Variants in GREB1L observed in about 807,000 individuals in gnomAD.
The protein encoded by GREB1L is GREB1 like retinoic acid receptor coactivator, also known as GREB1-like protein.
In GREB1L, 17 loss-of-function variants were observed where a neutral mutation model predicts 200.8. The observed-to-expected ratio is 0.08, with a 90% CI of 0.06 to 0.13. GREB1L has a LOEUF of 0.13. Ranked by LOEUF, GREB1L falls within the 10% of genes least tolerant of loss-of-function variation. The pLI is 1.00. For missense variants in GREB1L, 1,657 were observed against 2,367.7 expected, an observed-to-expected ratio of 0.70 and a Z score of 6.23; for synonymous variants, 789 against 893.0, an observed-to-expected ratio of 0.88 and a Z score of 2.08.
intron 1 of GREB1L, among the ~76,000 whole-genome samples, chr18:21,341,943 T>G (rs1183028527): frequency 8.5e-5 from 13 of 152,076 alleles, no homozygotes; most frequent in Non-Finnish European, 1.5e-4. Context: ...CTTTTGTTGG[T>G]GGTGAGGGGC....
chr18:21,492,631 G>GGCT (rs1228682251), intron 19 of GREB1L, among the ~76,000 whole-genome samples: 2 of 152,176 alleles, frequency 1.3e-5, no homozygotes, highest in African/African-American at 4.8e-5. Context: ...TTCTTCACCT[G>GGCT]GCTGCTAGCT....
chr18:21,397,565 C>T (rs148304573), intron 5 of GREB1L, among the ~76,000 whole-genome samples: 1,547 of 137,360 alleles, frequency 0.011, 29 homozygotes, highest in African/African-American at 0.041. Flanking sequence ...ATTAGCTGGG[C>T]GTGGTGGCGC....
At chr18:21,462,720 G>T (rs1433641804) in intron 15 of GREB1L, among the ~76,000 whole-genome samples, 3 of 152,172 alleles carry the variant, frequency 2.0e-5, no homozygotes, top group Admixed American at 6.5e-5. Flanking sequence ...AAAGTGCTGG[G>T]ATTACCAGTG....
intron 1 of GREB1L, among the ~76,000 whole-genome samples, chr18:21,311,653 A>C (rs2038792500): frequency 6.6e-6 from 1 of 152,158 alleles, no homozygotes; most frequent in African/African-American, 2.4e-5. Flanking sequence ...GATACCACCT[A>C]ATTTCCAGAA....
At chr18:21,411,888 A>G (rs2031067476) in intron 7 of GREB1L, among the ~76,000 whole-genome samples, 1 of 151,666 alleles carries the variant, frequency 6.6e-6, no homozygotes, top group African/African-American at 2.4e-5. Flanking sequence ...TACTAAAAAT[A>G]CAAAAAATTA....
chr18:21,507,038 A>G (rs1357791491), intron 25 of GREB1L, among the ~76,000 whole-genome samples: 3 of 152,158 alleles, frequency 2.0e-5, no homozygotes, highest in Non-Finnish European at 2.9e-5. Context: ...CTCATCCTGA[A>G]ATACAAATGA....
At chr18:21,367,044 T>C (rs1261284172) in intron 2 of GREB1L, among the ~76,000 whole-genome samples, 6 of 152,294 alleles carry the variant, frequency 3.9e-5, no homozygotes, top group African/African-American at 1.4e-4. Context: ...CTTTTTGATA[T>C]GGGAGGCACA....
chr18:21,397,860 C>CA, intron 5 of GREB1L, among the ~76,000 whole-genome samples: 1 of 152,214 alleles, frequency 6.6e-6, no homozygotes, highest in East Asian at 1.9e-4. Context: ...TACTGTGTGA[C>CA]AGAAATCACA....
intron 16 of GREB1L, among the ~76,000 whole-genome samples, chr18:21,474,630 G>A (rs1331436515): frequency 6.6e-6 from 1 of 152,142 alleles, no homozygotes; most frequent in Non-Finnish European, 1.5e-5. Flanking sequence ...TTTAGTCATG[G>A]CTGGAGCAGC....
chr18:21,483,296 G>A (rs570243734), intron 17 of GREB1L, among the ~76,000 whole-genome samples: 6 of 152,308 alleles, frequency 3.9e-5, no homozygotes, highest in African/African-American at 1.2e-4. Context: ...GAAACGTGAA[G>A]ACCAAGTACA....
chr18:21,437,182 A>G (rs569465347), intron 7 of GREB1L, among the ~76,000 whole-genome samples: 1 of 151,988 alleles, frequency 6.6e-6, no homozygotes, highest in Non-Finnish European at 1.5e-5. Flanking sequence ...TACTGCCATA[A>G]CCTCCCAAAT....
chr18:21,272,684 C>T (rs1161408382), intron 1 of GREB1L, among the ~76,000 whole-genome samples: 2 of 152,150 alleles, frequency 1.3e-5, no homozygotes, highest in Non-Finnish European at 2.9e-5. Context: ...GCTGGGCTAC[C>T]CCTTAGCTGT....
chr18:21,345,782 G>A (rs2039335684), intron 1 of GREB1L, among the ~76,000 whole-genome samples: 1 of 150,530 alleles, frequency 6.6e-6, no homozygotes, highest in Non-Finnish European at 1.5e-5. Flanking sequence ...TGAGGCAGGA[G>A]AATCACTTGA....
At chr18:21,466,079 A>G (rs1240309535) in intron 15 of GREB1L, among the ~76,000 whole-genome samples, 2 of 152,150 alleles carry the variant, frequency 1.3e-5, no homozygotes, top group Non-Finnish European at 2.9e-5. Context: ...TTTTATGCTT[A>G]ATGTTACGTC....
chr18:21,413,865 A>C (rs2031346604), intron 7 of GREB1L, among the ~76,000 whole-genome samples: 1 of 152,244 alleles, frequency 6.6e-6, no homozygotes, highest in Admixed American at 6.5e-5. Context: ...ACCCATAAGT[A>C]ATAACAGTGA....
intron 11 of GREB1L, among the ~76,000 whole-genome samples, chr18:21,445,762 C>T (rs1306617446): frequency 1.3e-5 from 2 of 152,076 alleles, no homozygotes; most frequent in African/African-American, 4.8e-5. Context: ...TTACAAGGCA[C>T]CAATTTCATG....
In GREB1L at chr18:21,524,294, G is replaced by T. The variant is rs1010856459; in HGVS notation, c.*1473G>T. 3.3e-5 allele frequency: 5 copies of T among 152,072 alleles called. No individual in the cohort carries two copies. The highest frequency in any genetic ancestry group is 1.2e-4 in the African/African-American group (5 of 41,416). 9.4% of individuals were successfully genotyped at this position (152,072 alleles called of 1,614,324 possible). On this transcript the variant is annotated 3_prime_UTR_variant, in exon 33 of 33. Transcript: ENST00000424526. ...GAGTTTACAAAGCTAGTGAAAAAAT[G>T]GAATGTATTAGACTAAAAATGGTTT...
chr18:21,440,541 A>G (rs1440761662), intron 9 of GREB1L, among the ~76,000 whole-genome samples, 153 bp downstream of exon 9: 1 of 152,226 alleles, frequency 6.6e-6, no homozygotes, highest in Non-Finnish European at 1.5e-5. Context: ...CCTTCCCTAC[A>G]TGCACAAGAT....
In GREB1L at chr18:21,411,980, G is replaced by A. The variant is rs550793062; in HGVS notation, c.832+7986G>A. 1.7e-4 allele frequency among the ~76,000 whole-genome samples: 25 copies of A among 149,520 alleles called. No individual in the cohort carries two copies. The South Asian group carries it at 5.2e-3, about 31-fold the overall frequency. On this transcript the variant is annotated intron_variant, in intron 7 of 32. Transcript: ENST00000424526. ...GAATGGCGTGAACCCGGGAAGCGGA[G>A]CTTGCAGTGAGCCGAGATTGCGCCA...
Sources: gnomAD v4.1 joint callset for allele counts (sites outside exome capture counted in the v4.1 genomes callset) on GRCh38, gnomAD v4.1.1 for gene constraint, MANE v1.5 for transcripts, NCBI Gene and HGNC (gene_info 2026-07-23, HGNC 2026-07-21) for gene names.